The following DMD variants were observed in gnomAD, a reference collection of about 807,000 sequenced individuals.
DMD encodes mutant dystrophin.
A neutral mutation model predicts 330.1 loss-of-function variants in DMD; 63 were observed. The ratio of observed to expected loss-of-function variants is 0.19; its 90% confidence interval spans 0.16 to 0.24. DMD has a LOEUF of 0.24. DMD is among the 10% of genes least tolerant of loss of function. DMD has a pLI of 1.00. For missense variants in DMD, 3,344 were observed against 2,684.1 expected (o/e 1.25, Z -5.43); for synonymous variants, 1,223 against 959.8 (o/e 1.27, Z -5.07).
rs1439221804 is a variant in DMD, at chrX:32,300,615, A to G, written c.6117+9467T>C. 5.4e-5 allele frequency among the ~76,000 whole-genome samples: 6 copies of G among 111,984 alleles called. No homozygotes were observed. The Admixed American group carries it at 5.7e-4, about 11-fold the overall frequency. On this transcript the variant is annotated intron_variant, in intron 42 of 78. Transcript: ENST00000357033. ...GTACATTTTGTGTTAAGTTGTACAC[A>G]TCGCCTAAATCATTTTACAGAAAAT...
intron 7 of DMD, among the ~76,000 whole-genome samples, chrX:32,777,895 C>T (rs1248268070): frequency 2.7e-5 from 3 of 112,406 alleles, no homozygotes; most frequent in East Asian, 5.6e-4. Flanking sequence ...GGATGTCCAG[C>T]AGTGTGCGCA....
intron 2 of DMD, among the ~76,000 whole-genome samples, chrX:32,978,160 AG>A (rs2092606895): frequency 2.7e-5 from 3 of 111,935 alleles, no homozygotes; most frequent in Non-Finnish European, 5.6e-5. Flanking sequence ...GCTACAGGGC[AG>A]GAAGAGTTTA....
At chrX:31,411,140 A>G (rs1000174942) in intron 60 of DMD, among the ~76,000 whole-genome samples, 5 of 110,794 alleles carry the variant, frequency 4.5e-5, no homozygotes, top group Non-Finnish European at 7.5e-5. Flanking sequence ...CAGGGCAGAA[A>G]AACATGCTCT....
At chrX:31,579,642 G>A (rs1217304707) in intron 55 of DMD, among the ~76,000 whole-genome samples, 1 of 112,047 alleles carries the variant, frequency 8.9e-6, no homozygotes, top group African/African-American at 3.2e-5. Flanking sequence ...ACAGTTTTGT[G>A]GGAATTATCA....
intron 45 of DMD, among the ~76,000 whole-genome samples, chrX:31,942,106 A>G (rs1175139703): frequency 1.8e-5 from 2 of 111,905 alleles, no homozygotes; most frequent in African/African-American, 3.3e-5. Context: ...AAATTTTCAA[A>G]CTGCTCTCCA....
At chrX:31,467,398 C>T (rs946364637) in intron 59 of DMD, among the ~76,000 whole-genome samples, 3 of 111,172 alleles carry the variant, frequency 2.7e-5, no homozygotes, top group Admixed American at 9.6e-5. Flanking sequence ...TTATTGAAGG[C>T]CTTTTCCGCT....
chrX:31,231,948 G>T (rs1391561142), intron 63 of DMD, among the ~76,000 whole-genome samples: 1 of 110,934 alleles, frequency 9.0e-6, no homozygotes, highest in Admixed American at 9.6e-5. Context: ...CACACAGGAA[G>T]TGATGAGACT....
chrX:32,178,464 C>T (rs953240794), intron 44 of DMD, among the ~76,000 whole-genome samples: 1 of 109,872 alleles, frequency 9.1e-6, no homozygotes, highest in Non-Finnish European at 1.9e-5. Context: ...CCATTTTTCA[C>T]TCTGTGGCAA....
intron 60 of DMD, among the ~76,000 whole-genome samples, chrX:31,393,438 C>G (rs1265624810): frequency 1.0e-5 from 1 of 100,423 alleles, no homozygotes; most frequent in Non-Finnish European, 2.0e-5. Flanking sequence ...GATTGCGCCA[C>G]TGCACTCTGG....
chrX:32,850,116 T>A (rs1040181370), intron 2 of DMD, among the ~76,000 whole-genome samples: 1 of 111,314 alleles, frequency 9.0e-6, no homozygotes, highest in Non-Finnish European at 1.9e-5. Context: ...AGAGAAAAAA[T>A]ACAGGCATGA....
At chrX:32,492,591 T>C (rs1031901240) in intron 19 of DMD, among the ~76,000 whole-genome samples, 1 of 111,678 alleles carries the variant, frequency 9.0e-6, no homozygotes, top group Non-Finnish European at 1.9e-5. Context: ...CGAACGCCAG[T>C]CCAAGTACAT....
intron 1 of DMD, among the ~76,000 whole-genome samples, chrX:33,264,034 G>C (rs1345446013): frequency 1.8e-5 from 2 of 110,627 alleles, no homozygotes; most frequent in African/African-American, 6.6e-5. Flanking sequence ...TTAGTACTTT[G>C]CCTCTGCTGG....
chrX:32,205,005 T>TCTCACACA (rs60181300), intron 44 of DMD, among the ~76,000 whole-genome samples: 2 of 29,227 alleles, frequency 6.8e-5, no homozygotes, highest in Non-Finnish European at 1.4e-4. Context: ...TCTCTCTCTC[T>TCTCACACA]CACATACACA....
At chrX:32,380,921 A>C (rs1397394587) in intron 33 of DMD, among the ~76,000 whole-genome samples, 1 of 110,904 alleles carries the variant, frequency 9.0e-6, no homozygotes, top group East Asian at 2.8e-4. Flanking sequence ...GTAGAAAAGA[A>C]ACCTATACGA....
chrX:31,996,848 T>G lies in DMD; in HGVS notation c.6439-28334A>C, dbSNP rs1458528290. On this transcript the variant is annotated intron_variant, in intron 44 of 78. Coordinates refer to ENST00000357033, the MANE Select transcript of DMD (RefSeq NM_004006.3). Reference sequence around the variant, plus strand: ...AGCCAGGATAATAAGTGATGAACTGTGTCAGAACCAAGATCAACAACAAGA... The same window carrying G: ...AGCCAGGATAATAAGTGATGAACTGGGTCAGAACCAAGATCAACAACAAGA... Among the ~76,000 whole-genome samples, 7 of 111,357 alleles carry G rather than the reference T, an allele frequency of 6.3e-5. No homozygotes were observed. The East Asian group carries it at 2.0e-3, about 32-fold the overall frequency.
chrX:32,698,038 G>A (rs759130539), intron 8 of DMD, 40 bp from the exon 9 acceptor site: 66 of 1,156,913 alleles, frequency 5.7e-5, no homozygotes, highest in Non-Finnish European at 7.4e-5. Flanking sequence ...GAGAGGAGGG[G>A]GAAAAACCAT....
intron 15 of DMD, among the ~76,000 whole-genome samples, chrX:32,570,971 C>A (rs940890970): frequency 1.8e-5 from 2 of 111,513 alleles, no homozygotes; most frequent in African/African-American, 6.5e-5. Context: ...TGGTACTTTC[C>A]AAAGATGGCT....
intron 1 of DMD, among the ~76,000 whole-genome samples, chrX:33,197,527 T>C (rs753387130): frequency 9.0e-6 from 1 of 111,636 alleles, no homozygotes; most frequent in Non-Finnish European, 1.9e-5. Context: ...AATCAAAATA[T>C]TGAGCAGGTC....
chrX:32,671,208 T>C (rs1375933739), intron 9 of DMD, among the ~76,000 whole-genome samples: 1 of 110,993 alleles, frequency 9.0e-6, no homozygotes, highest in African/African-American at 3.3e-5. Context: ...GCCTAGGTAC[T>C]TATATAATGT....
Sources: gnomAD v4.1 joint callset for allele counts (sites outside exome capture counted in the v4.1 genomes callset) on GRCh38, gnomAD v4.1.1 for gene constraint, MANE v1.5 for transcripts, NCBI Gene and HGNC (gene_info 2026-07-23, HGNC 2026-07-21) for gene names.